FMR1: variants seen among roughly 807,000 people sequenced by gnomAD.
FMR1 encodes the protein FMRP translational regulator 1.
Under a neutral mutation model 50.6 loss-of-function variants are expected in FMR1, and 13 were observed. The ratio of observed to expected loss-of-function variants is 0.26; its 90% CI spans 0.17 to 0.41. FMR1 has a LOEUF of 0.41. FMR1 is among the 10% of genes least tolerant of loss of function. The pLI, the probability that FMR1 is intolerant of heterozygous loss-of-function variation, is 1.00. For synonymous variants in FMR1, 138 were observed against 164.1 expected (o/e 0.84, Z 1.22); for missense variants, 316 against 491.3 (o/e 0.64, Z 3.37).
At chrX:147,922,612 C>CTTA (rs2043220148) in intron 2 of FMR1, among the ~76,000 whole-genome samples, 1 of 111,234 alleles carries the variant, frequency 9.0e-6, no homozygotes, top group Admixed American at 9.5e-5. Context: ...GTTTTGAATG[C>CTTA]TAATAAAGGC....
In FMR1 at chrX:147,948,918, G is replaced by A. The variant is rs782586675; in HGVS notation, c.*74G>A. ...ATTCCATATTAGAAAACTTTGTTAGGCCAAAGACAAATAGTAGGCAAGATG... is the reference window on the plus strand; with the variant it reads ...ATTCCATATTAGAAAACTTTGTTAGACCAAAGACAAATAGTAGGCAAGATG... On this transcript the variant is annotated 3_prime_UTR_variant, in exon 17 of 17. Transcript: ENST00000370475. The A allele has an allele frequency of 9.7e-7, 1 of 1,029,585 alleles. No homozygotes were observed. The highest frequency in any genetic ancestry group is 2.2e-5 in the Admixed American group (1 of 45,195). 84.8% of individuals were successfully genotyped at this position (1,029,585 alleles called of 1,213,427 possible).
chrX:147,925,409 T>C (rs1249442986), intron 2 of FMR1, 131 bp from the exon 3 acceptor site: 2 of 551,336 alleles, frequency 3.6e-6, no homozygotes, highest in Non-Finnish European at 6.5e-6. Context: ...AAACTGATGA[T>C]TTTAAAGCTT....
At chrX:147,930,920 T>C (rs1283502701) in intron 7 of FMR1, 4 of 111,593 alleles carry the variant, frequency 3.6e-5, no homozygotes, top group African/African-American at 1.3e-4. Flanking sequence ...ACATTTGAAA[T>C]AGTAAAGAAA....
chrX:147,941,797 C>T (rs907378125), intron 13 of FMR1, among the ~76,000 whole-genome samples: 9 of 112,213 alleles, frequency 8.0e-5, no homozygotes, highest in Admixed American at 1.9e-4. Flanking sequence ...GTTCTTTTGA[C>T]TAATGTTCTT....
intron 2 of FMR1, 40 bp from the exon 3 acceptor site, chrX:147,925,500 G>T (rs782551523): frequency 1.0e-6 from 1 of 997,173 alleles, no homozygotes; most frequent in Non-Finnish European, 1.4e-6. Context: ...AGTTAAACAT[G>T]AAAAGCATGT....
Position 147,949,472 on chromosome X carries a change from A to T in FMR1, c.*628A>T, listed in dbSNP as rs2044270886. 9.1e-6 allele frequency: 3 copies of T among 327,973 alleles called. No individual in the cohort carries two copies. Among genetic ancestry groups the T allele is most frequent in the Non-Finnish European group, 1.2e-5 (2 of 169,743 alleles). The allele number at this position is 327,973 out of a possible 1,213,427, so 27.0% of individuals were successfully genotyped here. A position where few individuals can be genotyped will look rare whatever the true frequency, so the allele number is the denominator to read the frequency against. On this transcript the variant is annotated 3_prime_UTR_variant, in exon 17 of 17. Coordinates refer to ENST00000370475, the MANE Select transcript of FMR1 (RefSeq NM_002024.6). ...GATAAGTTGGAAACACTAAATGTTA[A>T]AGATGTAGCAAACCCTGTCAAACAT...
chrX:147,938,261 G>A (rs781861088), intron 12 of FMR1, 100 bp downstream of exon 12: 22 of 701,878 alleles, frequency 3.1e-5, no homozygotes, highest in Non-Finnish European at 5.0e-5. Flanking sequence ...ATTAGGGACT[G>A]GAGGGAGGAG....
chrX:147,913,348 A>C (rs1198414537), intron 1 of FMR1: 1 of 112,329 alleles, frequency 8.9e-6, no homozygotes, highest in Non-Finnish European at 1.9e-5. Flanking sequence ...GTGCTGTATA[A>C]ATTCATCTAT....
chrX:147,926,662 A>G (rs1205132117), intron 3 of FMR1, among the ~76,000 whole-genome samples: 2 of 110,104 alleles, frequency 1.8e-5, no homozygotes, highest in Non-Finnish European at 3.8e-5. Flanking sequence ...TAATTTTTAT[A>G]TTTTTAGTAG....
intron 7 of FMR1, among the ~76,000 whole-genome samples, chrX:147,932,075 G>A (rs2043627106): frequency 8.9e-6 from 1 of 111,737 alleles, no homozygotes; most frequent in Admixed American, 9.5e-5. Flanking sequence ...GTCAGACCGA[G>A]TGAGCTGGTT....
chrX:147,917,442 A>T (rs1256800143), intron 1 of FMR1, among the ~76,000 whole-genome samples: 2 of 111,761 alleles, frequency 1.8e-5, no homozygotes, highest in Non-Finnish European at 3.8e-5. Flanking sequence ...TTTCCTGTTT[A>T]TTCACCCTGA....
intron 2 of FMR1, chrX:147,925,048 G>A (rs1602973723): frequency 7.4e-6 from 1 of 135,802 alleles, no homozygotes; most frequent in Admixed American, 7.8e-5. Flanking sequence ...AAATTTAAAG[G>A]GGGAAAAGTG....
In FMR1 at chrX:147,949,937, G is replaced by T. The variant is rs1239540951; in HGVS notation, c.*1093G>T. ...TTTGTCTAAGAAACATTGGAAGCAG[G>T]TTAAATGTTTTGTAAACTTTGAAAT... On this transcript the variant is annotated 3_prime_UTR_variant, in exon 17 of 17. Transcript: ENST00000370475. 6.2e-6 allele frequency: 2 copies of T among 324,860 alleles called. No individual in the cohort carries two copies. Among genetic ancestry groups the T allele is most frequent in the Admixed American group, 6.3e-5 (2 of 31,626 alleles). 26.8% of individuals were successfully genotyped at this position (324,860 alleles called of 1,213,427 possible).
rs782522813 is a variant in FMR1, at chrX:147,932,678, T to C, written c.802-7T>C. On this transcript the variant is annotated splice_polypyrimidine_tract_variant and splice_region_variant and intron_variant, in intron 8 of 16. Coordinates refer to ENST00000370475, the MANE Select transcript of FMR1 (RefSeq NM_002024.6). Reference sequence around the variant, plus strand: ...CTTTTGTCTTAAAATGTTTCCCCTTTTATTAGGATCAGGATGCAGTGAAAA... The same window carrying C: ...CTTTTGTCTTAAAATGTTTCCCCTTCTATTAGGATCAGGATGCAGTGAAAA... 8.3e-7 allele frequency: 1 copy of C among 1,207,184 alleles called. No individual in the cohort carries two copies. The highest frequency in any genetic ancestry group is 1.8e-5 in the South Asian group (1 of 56,903).
chrX:147,933,286 A>G (rs2043670991), intron 9 of FMR1: 1 of 358,115 alleles, frequency 2.8e-6, no homozygotes, highest in African/African-American at 2.7e-5. Context: ...ATATCTTAAA[A>G]TTAAATAATT....
chrX:147,914,640 A>C (rs976533842), intron 1 of FMR1, among the ~76,000 whole-genome samples: 4 of 111,916 alleles, frequency 3.6e-5, no homozygotes, highest in Admixed American at 1.9e-4. Flanking sequence ...ATTCTTAAAA[A>C]CTTAAAAGTT....
chrX:147,945,342 T>C (rs1266258142), intron 15 of FMR1, among the ~76,000 whole-genome samples, 192 bp from the exon 16 acceptor site: 2 of 112,513 alleles, frequency 1.8e-5, no homozygotes, highest in African/African-American at 3.2e-5. Context: ...TGCAGAATTA[T>C]AATAACTGTG....
chrX:147,945,678 G>A lies in FMR1; in HGVS notation c.1737+62G>A, dbSNP rs192425259. ...GAATATGGTAGTTTGAGATTTATGA[G>A]TTTATTTTACTTTATTAAAAACATG... On this transcript the variant is annotated intron_variant, in intron 16 of 16. Transcript: ENST00000370475. 86 of 835,809 alleles carry A rather than the reference G, an allele frequency of 1.0e-4. No homozygotes were observed. The African/African-American group carries it at 1.6e-3, about 16-fold the overall frequency. The allele number at this position is 835,809 out of a possible 1,213,427, so 68.9% of individuals were successfully genotyped here.
intron 9 of FMR1, among the ~76,000 whole-genome samples, chrX:147,934,107 C>T (rs1389517756): frequency 3.6e-5 from 4 of 111,304 alleles, no homozygotes; most frequent in African/African-American, 1.3e-4. Context: ...TATTTATTTT[C>T]TTCTTTACAG....
Sources: gnomAD v4.1 joint callset for allele counts (sites outside exome capture counted in the v4.1 genomes callset) on GRCh38, gnomAD v4.1.1 for gene constraint, MANE v1.5 for transcripts, NCBI Gene and HGNC (gene_info 2026-07-23, HGNC 2026-07-21) for gene names.